SLC35D4: variants seen among roughly 807,000 people sequenced by gnomAD.
SLC35D4 encodes solute carrier family 35 member D4, also known as UDP-N-acetylglucosamine transporter SLC35D4.
the SLC35D4 span, among the ~76,000 whole-genome samples, chr18:23,362,267 T>C: frequency 6.6e-6 from 1 of 152,206 alleles, no homozygotes; most frequent in South Asian, 2.1e-4. Flanking sequence ...TTAGGAACGT[T>C]GTACAAAAGC....
At chr18:23,413,740 C>T in the SLC35D4 span, among the ~76,000 whole-genome samples, 1 of 150,614 alleles carries the variant, frequency 6.6e-6, no homozygotes, top group South Asian at 2.1e-4. Context: ...GCCTGGCCAA[C>T]ACGGTGAAAC....
chr18:23,421,528 C>A, the SLC35D4 span: 1 of 1,195,014 alleles, frequency 8.4e-7, no homozygotes, highest in Non-Finnish European at 1.2e-6. Flanking sequence ...TGCTGACTGA[C>A]ACAAAGAGAC....
the SLC35D4 span, among the ~76,000 whole-genome samples, chr18:23,314,462 G>T: frequency 1.3e-5 from 2 of 152,094 alleles, no homozygotes; most frequent in East Asian, 1.9e-4. Context: ...GCTTACCCTG[G>T]GGGGGGCTAC....
the SLC35D4 span, among the ~76,000 whole-genome samples, chr18:23,279,222 G>A: frequency 1.3e-5 from 2 of 152,072 alleles, no homozygotes; most frequent in Non-Finnish European, 2.9e-5. Flanking sequence ...TCAAATCCAG[G>A]TGAGAAGCAG....
At chr18:23,330,988 T>G in the SLC35D4 span, 1 of 152,132 alleles carries the variant, frequency 6.6e-6, no homozygotes, top group Non-Finnish European at 1.5e-5. Flanking sequence ...ACCCCATCTC[T>G]ACAAAAAAAT....
the SLC35D4 span, among the ~76,000 whole-genome samples, chr18:23,342,200 A>G: frequency 6.6e-6 from 1 of 152,232 alleles, no homozygotes; most frequent in Non-Finnish European, 1.5e-5. Context: ...TCCATTAGCC[A>G]AAAAACTTCC....
chr18:23,270,945 G>A, the SLC35D4 span, among the ~76,000 whole-genome samples: 1 of 152,214 alleles, frequency 6.6e-6, no homozygotes, highest in Admixed American at 6.5e-5. Context: ...CTGTTGGGAA[G>A]GCATGATTGG....
chr18:23,432,295 A>T, the SLC35D4 span, among the ~76,000 whole-genome samples: 1 of 152,222 alleles, frequency 6.6e-6, no homozygotes, highest in South Asian at 2.1e-4. Flanking sequence ...AACAGAGAAA[A>T]AAGAAACGCA....
the SLC35D4 span, among the ~76,000 whole-genome samples, chr18:23,315,228 C>T: frequency 1.3e-5 from 2 of 152,220 alleles, no homozygotes; most frequent in African/African-American, 4.8e-5. Context: ...TTTTCAAACA[C>T]AGTTTCCTAC....
the SLC35D4 span, among the ~76,000 whole-genome samples, chr18:23,241,615 C>T: frequency 3.9e-5 from 6 of 152,298 alleles, no homozygotes; most frequent in South Asian, 8.3e-4. Flanking sequence ...TTTGTTCATG[C>T]GGCTGCCATG....
chr18:23,277,428 A>G, the SLC35D4 span, among the ~76,000 whole-genome samples: 1 of 152,194 alleles, frequency 6.6e-6, no homozygotes, highest in Non-Finnish European at 1.5e-5. Context: ...GTGGAACTGT[A>G]AGTCCAATTA....
chr18:23,365,845 GT>G, the SLC35D4 span, among the ~76,000 whole-genome samples: 1 of 152,180 alleles, frequency 6.6e-6, no homozygotes, highest in African/African-American at 2.4e-5. Context: ...AATGTCTCAT[GT>G]TTTGGCAAGA....
chr18:23,382,994 G>A, the SLC35D4 span, among the ~76,000 whole-genome samples: 178 of 152,328 alleles, frequency 1.2e-3, no homozygotes, highest in Non-Finnish European at 2.1e-3. Flanking sequence ...GTGGTGGGGA[G>A]GGGATACTGG....
chr18:23,246,778 A>G, the SLC35D4 span, among the ~76,000 whole-genome samples: 1 of 151,368 alleles, frequency 6.6e-6, no homozygotes, highest in Admixed American at 6.6e-5. Flanking sequence ...TTCAATCTTC[A>G]TCTCCCAGGT....
At chr18:23,256,950 G>A in the SLC35D4 span, among the ~76,000 whole-genome samples, 3 of 152,150 alleles carry the variant, frequency 2.0e-5, no homozygotes, top group East Asian at 1.9e-4. Context: ...ATAGAGATAC[G>A]GAGCATGAAC....
the SLC35D4 span, among the ~76,000 whole-genome samples, chr18:23,417,238 C>T: frequency 0.46 from 61,759 of 134,134 alleles, 13,794 homozygotes; most frequent in Non-Finnish European, 0.57. Context: ...CAAGACCTTG[C>T]CTCAAAAAAA....
At chr18:23,430,259 A>G in the SLC35D4 span, among the ~76,000 whole-genome samples, 1 of 150,870 alleles carries the variant, frequency 6.6e-6, no homozygotes, top group African/African-American at 2.4e-5. Flanking sequence ...TTTTTTTTGT[A>G]GACAGTGTCT....
chr18:23,373,744 C>A, the SLC35D4 span: 3 of 1,613,462 alleles, frequency 1.9e-6, no homozygotes, highest in Non-Finnish European at 2.5e-6. Flanking sequence ...CATCCTGCTG[C>A]GGCCAGGAGG....
the SLC35D4 span, among the ~76,000 whole-genome samples, chr18:23,271,260 G>T: frequency 2.4e-4 from 37 of 152,282 alleles, no homozygotes; most frequent in South Asian, 3.9e-3. Context: ...ATGATTGTAA[G>T]GCCTCCCCAG....
Sources: allele counts gnomAD v4.1 joint callset (sites outside exome capture counted in the v4.1 genomes callset), GRCh38; gene constraint gnomAD v4.1.1; transcripts MANE v1.5; gene names NCBI Gene and HGNC (gene_info 2026-07-23, HGNC 2026-07-21).